The following KCNQ5 variants were observed in gnomAD, a reference collection of about 807,000 sequenced individuals.
KCNQ5 encodes the protein potassium voltage-gated channel subfamily KQT member 5.
Under a neutral mutation model 98.2 loss-of-function variants are expected in KCNQ5, and 30 were observed. The ratio of observed to expected loss-of-function variants is 0.31; its 90% CI spans 0.23 to 0.41. The LOEUF (loss-of-function observed/expected upper bound fraction) is 0.41, where lower values mean the gene tolerates loss of function less well. KCNQ5 is among the 10% of genes least tolerant of loss of function. KCNQ5 has a pLI of 1.00. For missense variants in KCNQ5, 835 were observed against 1,182.5 expected (o/e 0.71, Z 4.31); for synonymous variants, 458 against 449.4 (o/e 1.02, Z -0.24).
At chr6:73,084,227 G>A (rs1458766667) in intron 5 of KCNQ5, among the ~76,000 whole-genome samples, 2 of 152,224 alleles carry the variant, frequency 1.3e-5, no homozygotes, top group Non-Finnish European at 2.9e-5. Context: ...GGATGTGATG[G>A]AAGTATCTTC....
chr6:72,980,300 T>C lies in KCNQ5; in HGVS notation c.399-23608T>C, dbSNP rs960909295. 4.6e-5 allele frequency among the ~76,000 whole-genome samples: 7 copies of C among 152,238 alleles called. No individual in the cohort carries two copies. The East Asian group carries it at 1.3e-3, about 29-fold the overall frequency. On this transcript the variant is annotated intron_variant, in intron 1 of 13. Coordinates refer to ENST00000370398, the MANE Select transcript of KCNQ5 (RefSeq NM_019842.4). ...CCATTTTCACAATATTGATTCTTCCTATCCATGAGCATGGAATGTTCTTCC... is the reference window on the plus strand; with the variant it reads ...CCATTTTCACAATATTGATTCTTCCCATCCATGAGCATGGAATGTTCTTCC...
chr6:73,107,292 A>T (rs994797710), intron 6 of KCNQ5, among the ~76,000 whole-genome samples: 1 of 152,246 alleles, frequency 6.6e-6, no homozygotes, highest in Admixed American at 6.5e-5. Context: ...TTGAGACCTA[A>T]TTCATAACCT....
intron 1 of KCNQ5, among the ~76,000 whole-genome samples, chr6:72,690,716 A>G (rs1254745073): frequency 7.8e-6 from 1 of 127,508 alleles, no homozygotes; most frequent in Non-Finnish European, 1.6e-5. Flanking sequence ...TGTTACCAAG[A>G]AAAAAAAAAA....
At chr6:72,911,393 G>T (rs1396733928) in intron 1 of KCNQ5, among the ~76,000 whole-genome samples, 1 of 152,162 alleles carries the variant, frequency 6.6e-6, no homozygotes, top group Non-Finnish European at 1.5e-5. Flanking sequence ...TTGGTAGTCT[G>T]CAACCCGGAA....
chr6:73,121,507 G>A (rs185182777), intron 8 of KCNQ5, among the ~76,000 whole-genome samples: 22 of 152,272 alleles, frequency 1.4e-4, no homozygotes, highest in South Asian at 4.1e-4. Flanking sequence ...CTTGATTAGC[G>A]TAGTCAGTTC....
intron 3 of KCNQ5, among the ~76,000 whole-genome samples, chr6:73,066,985 C>G (rs753875803): frequency 5.3e-5 from 8 of 152,190 alleles, no homozygotes; most frequent in Non-Finnish European, 8.8e-5. Context: ...AGATTGACCT[C>G]TCTGTCTCAA....
In KCNQ5 at chr6:73,127,111, C is replaced by T. The variant is rs1355436618; in HGVS notation, c.1247+2599C>T. Among the ~76,000 whole-genome samples the T allele has an allele frequency of 7.2e-5, 11 of 152,234 alleles. No homozygotes were observed. In the South Asian group the frequency reaches 2.3e-3, roughly 32 times the overall value. ...AGAAAGGCTATTGTAATAACAATAG[C>T]AACAGTACCATCTTAGAAAGTAACA... On this transcript the variant is annotated intron_variant, in intron 9 of 13. Coordinates refer to ENST00000370398, the MANE Select transcript of KCNQ5 (RefSeq NM_019842.4).
At chr6:72,639,016 C>T (rs974389500) in intron 1 of KCNQ5, among the ~76,000 whole-genome samples, 11 of 152,188 alleles carry the variant, frequency 7.2e-5, no homozygotes, top group Non-Finnish European at 1.5e-4. Flanking sequence ...GCAGAAGTTA[C>T]TCAATTCTGT....
chr6:72,752,081 C>G (rs1310911245), intron 1 of KCNQ5, among the ~76,000 whole-genome samples: 1 of 152,048 alleles, frequency 6.6e-6, no homozygotes, highest in Admixed American at 6.6e-5. Flanking sequence ...CATAGCATGA[C>G]CCAGCAATCC....
chr6:73,099,397 A>T (rs995651471), intron 5 of KCNQ5, among the ~76,000 whole-genome samples: 14 of 152,172 alleles, frequency 9.2e-5, no homozygotes, highest in South Asian at 2.1e-4. Context: ...ATTAAATTTT[A>T]AAAAGCAAGA....
chr6:73,091,459 C>G (rs967414975), intron 5 of KCNQ5, among the ~76,000 whole-genome samples: 1 of 151,732 alleles, frequency 6.6e-6, no homozygotes, highest in African/African-American at 2.4e-5. Context: ...TACCCCAGAA[C>G]TTAAAGTATA....
intron 5 of KCNQ5, among the ~76,000 whole-genome samples, chr6:73,098,323 A>T (rs1774608763): frequency 6.6e-6 from 1 of 152,178 alleles, no homozygotes; most frequent in Non-Finnish European, 1.5e-5. Context: ...TTGGCCTTAA[A>T]AAGTAGGGAG....
At chr6:72,997,001 A>G (rs1769334032) in intron 1 of KCNQ5, among the ~76,000 whole-genome samples, 1 of 152,194 alleles carries the variant, frequency 6.6e-6, no homozygotes. Context: ...GATCCTGACC[A>G]AGGAGTAAAG....
At chr6:73,135,403 C>CT (rs141476026) in intron 10 of KCNQ5, 82 of 139,574 alleles carry the variant, frequency 5.9e-4, no homozygotes, top group African/African-American at 1.8e-3. Context: ...AAAGGATTTT[C>CT]TTTTTTAAAA....
chr6:72,735,605 T>C (rs1459017314), intron 1 of KCNQ5, among the ~76,000 whole-genome samples: 9 of 152,134 alleles, frequency 5.9e-5, no homozygotes, highest in Non-Finnish European at 1.3e-4. Flanking sequence ...ATTTTTCATT[T>C]TTTTCAAAAC....
intron 10 of KCNQ5, among the ~76,000 whole-genome samples, chr6:73,156,532 G>A (rs1562210827): frequency 2.0e-5 from 3 of 152,124 alleles, no homozygotes; most frequent in Admixed American, 6.5e-5. Context: ...GGCTGAGGCA[G>A]GAGAATAGCT....
intron 3 of KCNQ5, among the ~76,000 whole-genome samples, chr6:73,074,633 G>GT (rs1290335953): frequency 6.6e-6 from 1 of 151,764 alleles, no homozygotes; most frequent in African/African-American, 2.4e-5. Flanking sequence ...CGATAGCTGA[G>GT]TTTTTTTAAA....
chr6:72,745,977 C>T (rs1771377524), intron 1 of KCNQ5, among the ~76,000 whole-genome samples: 1 of 145,458 alleles, frequency 6.9e-6, no homozygotes, highest in African/African-American at 2.5e-5. Flanking sequence ...ATTTCTCTCT[C>T]CTTATAAGGA....
intron 1 of KCNQ5, among the ~76,000 whole-genome samples, chr6:72,769,747 G>A (rs939247014): frequency 6.6e-6 from 1 of 152,154 alleles, no homozygotes. Context: ...TCATAGCTTT[G>A]TCTGAAAACA....
Sources: gnomAD v4.1 joint callset for allele counts (sites outside exome capture counted in the v4.1 genomes callset) on GRCh38, gnomAD v4.1.1 for gene constraint, MANE v1.5 for transcripts, NCBI Gene and HGNC (gene_info 2026-07-23, HGNC 2026-07-21) for gene names.